CACNA1E: variants seen among roughly 807,000 people sequenced by gnomAD.
The protein encoded by CACNA1E is voltage-dependent R-type calcium channel subunit alpha-1E.
Under a neutral mutation model 259.2 loss-of-function variants are expected in CACNA1E, and 40 were observed. The observed-to-expected ratio is 0.15, with a 90% CI of 0.12 to 0.20. The LOEUF is 0.20. Among genes scored for constraint, CACNA1E ranks in the 10% least tolerant of loss-of-function variants. The pLI, the probability that CACNA1E is intolerant of heterozygous loss-of-function variation, is 1.00. For missense variants in CACNA1E, 1,874 were observed against 3,040.1 expected, an observed-to-expected ratio of 0.62 and a Z score of 9.02; for synonymous variants, 1,104 against 1,138.5, an observed-to-expected ratio of 0.97 and a Z score of 0.61.
intron 37 of CACNA1E, 100 bp downstream of exon 37, chr1:181,772,331 G>T: frequency 8.2e-7 from 1 of 1,225,234 alleles, no homozygotes; most frequent in Non-Finnish European, 1.2e-6. Flanking sequence ...GTGTATGTTT[G>T]TGCCTCCCTC....
At chr1:181,509,228 A>G (rs1336606840) in intron 1 of CACNA1E, among the ~76,000 whole-genome samples, 1 of 152,154 alleles carries the variant, frequency 6.6e-6, no homozygotes, top group Admixed American at 6.5e-5. Flanking sequence ...CTCATTGCAC[A>G]CACTGCCTTG....
Position 181,426,150 on chromosome 1 carries a change from G to A in CACNA1E, c.434+12570G>A, listed in dbSNP as rs141902749. Among the ~76,000 whole-genome samples, 859 of 152,022 alleles carry A rather than the reference G, an allele frequency of 5.7e-3. 7 individuals carry two copies. The highest frequency in any genetic ancestry group is 0.01 in the Middle Eastern group (3 of 294). On this transcript the variant is annotated intron_variant, in intron 2 of 11. Transcript: ENST00000524607. ...ACACACCCAGCTTGGGTGCACTGGGGTCAGGTGGTCAGGTCTAACTGCATC... is the reference window on the plus strand; with the variant it reads ...ACACACCCAGCTTGGGTGCACTGGGATCAGGTGGTCAGGTCTAACTGCATC...
At chr1:181,464,615 T>G (rs79969353) in intron 2 of CACNA1E, among the ~76,000 whole-genome samples, 1 of 150,818 alleles carries the variant, frequency 6.6e-6, no homozygotes, top group African/African-American at 2.4e-5. Flanking sequence ...TTTTTTTTTT[T>G]GTAGGCAACT....
intron 1 of CACNA1E, among the ~76,000 whole-genome samples, chr1:181,384,791 A>G (rs1243649062): frequency 6.6e-6 from 1 of 152,166 alleles, no homozygotes; most frequent in Non-Finnish European, 1.5e-5. Context: ...CTAATGCTAA[A>G]TGACGAGTTA....
chr1:181,690,268 C>T (rs1282032860), intron 7 of CACNA1E, among the ~76,000 whole-genome samples: 1 of 152,090 alleles, frequency 6.6e-6, no homozygotes, highest in Non-Finnish European at 1.5e-5. Flanking sequence ...TCAGATTTGT[C>T]AAAGATCAGA....
intron 7 of CACNA1E, among the ~76,000 whole-genome samples, chr1:181,661,007 C>T (rs567110883): frequency 6.6e-6 from 1 of 152,256 alleles, no homozygotes; most frequent in South Asian, 2.1e-4. Context: ...AACAGGGGAG[C>T]ATTTAAATTA....
intron 34 of CACNA1E, among the ~76,000 whole-genome samples, chr1:181,765,825 G>C (rs1161369069): frequency 6.6e-6 from 1 of 152,180 alleles, no homozygotes; most frequent in African/African-American, 2.4e-5. Flanking sequence ...CCAGTACCAA[G>C]GCCAGTTCCC....
intron 2 of CACNA1E, among the ~76,000 whole-genome samples, chr1:181,421,541 A>G (rs1032393998): frequency 1.3e-5 from 2 of 152,154 alleles, no homozygotes; most frequent in Admixed American, 1.3e-4. Context: ...ACTGTTGTCT[A>G]TCTAATCAGC....
At chr1:181,507,985 C>T (rs983886529) in intron 1 of CACNA1E, among the ~76,000 whole-genome samples, 3 of 152,174 alleles carry the variant, frequency 2.0e-5, no homozygotes, top group Admixed American at 1.3e-4. Flanking sequence ...TCAGATCCAT[C>T]ATCCCTCCTG....
chr1:181,459,771 T>A (rs1437266032), intron 2 of CACNA1E, among the ~76,000 whole-genome samples: 1 of 152,200 alleles, frequency 6.6e-6, no homozygotes, highest in African/African-American at 2.4e-5. Context: ...CCTCTTACCC[T>A]GGAGCTTCCC....
intron 6 of CACNA1E, among the ~76,000 whole-genome samples, chr1:181,634,208 G>T (rs1656999496): frequency 1.3e-5 from 2 of 152,148 alleles, no homozygotes; most frequent in South Asian, 4.1e-4. Context: ...CTTTAAAATG[G>T]GGGTGATAAT....
At chr1:181,580,967 G>A (rs1015883913) in intron 6 of CACNA1E, among the ~76,000 whole-genome samples, 191 bp downstream of exon 6, 2 of 152,200 alleles carry the variant, frequency 1.3e-5, no homozygotes, top group Non-Finnish European at 2.9e-5. Flanking sequence ...CTGTTGCTAC[G>A]TACAAGTACA....
intron 2 of CACNA1E, among the ~76,000 whole-genome samples, chr1:181,451,429 T>A (rs1236090702): frequency 2.6e-5 from 4 of 152,212 alleles, no homozygotes; most frequent in African/African-American, 7.2e-5. Flanking sequence ...CTCACACCTG[T>A]AATCACAGCA....
intron 12 of CACNA1E, among the ~76,000 whole-genome samples, chr1:181,719,054 T>C (rs1005454447): frequency 2.6e-5 from 4 of 152,224 alleles, no homozygotes; most frequent in Non-Finnish European, 5.9e-5. Flanking sequence ...TGGTTCTGAG[T>C]ACGGGCAATT....
intron 33 of CACNA1E, among the ~76,000 whole-genome samples, chr1:181,763,089 G>A (rs1424366441): frequency 6.6e-6 from 1 of 152,148 alleles, no homozygotes; most frequent in Non-Finnish European, 1.5e-5. Flanking sequence ...GTGCTAGAGG[G>A]GTTCCTAGAT....
chr1:181,384,276 T>C (rs1447867242), intron 1 of CACNA1E, among the ~76,000 whole-genome samples: 4 of 152,198 alleles, frequency 2.6e-5, no homozygotes, highest in Non-Finnish European at 4.4e-5. Context: ...GATTCACCTA[T>C]ACTAAAAATT....
intron 1 of CACNA1E, among the ~76,000 whole-genome samples, chr1:181,360,486 C>G (rs1557941030): frequency 6.6e-6 from 1 of 152,094 alleles, no homozygotes; most frequent in Admixed American, 6.6e-5. Flanking sequence ...GTGAAAGGAA[C>G]CAGACATAAT....
chr1:181,576,602 C>T (rs952369103), intron 3 of CACNA1E, among the ~76,000 whole-genome samples: 7 of 152,266 alleles, frequency 4.6e-5, no homozygotes, highest in Admixed American at 2.6e-4. Flanking sequence ...ATAAACAAAA[C>T]AAGCCATTTT....
At chr1:181,375,749 G>C (rs1364936430) in intron 1 of CACNA1E, among the ~76,000 whole-genome samples, 2 of 152,140 alleles carry the variant, frequency 1.3e-5, no homozygotes, top group Non-Finnish European at 2.9e-5. Context: ...CCTCCTCCGT[G>C]AGGGATTTAC....
Sources: gnomAD v4.1 joint callset for allele counts (sites outside exome capture counted in the v4.1 genomes callset) on GRCh38, gnomAD v4.1.1 for gene constraint, MANE v1.5 for transcripts, NCBI Gene and HGNC (gene_info 2026-07-23, HGNC 2026-07-21) for gene names.